The following CACNB4 variants were observed in gnomAD, a reference collection of about 807,000 sequenced individuals.
CACNB4 encodes the protein calcium voltage-gated channel auxiliary subunit beta 4.
In CACNB4, 32 loss-of-function variants were observed where a neutral mutation model predicts 71.2. That is an observed-to-expected ratio of 0.45 (90% CI 0.34 to 0.60). The LOEUF is 0.60. Among genes scored for constraint, CACNB4 ranks in the 20% least tolerant of loss-of-function variants. The pLI is 0.01. For missense variants in CACNB4, 464 were observed against 647.9 expected (o/e 0.72, Z 3.08); for synonymous variants, 231 against 236.9 (o/e 0.97, Z 0.23).
intron 2 of CACNB4, among the ~76,000 whole-genome samples, chr2:151,942,971 T>A (rs957291274): frequency 1.3e-5 from 2 of 152,226 alleles, no homozygotes; most frequent in Non-Finnish European, 2.9e-5. Flanking sequence ...TGTTGGACCC[T>A]TATCAGTAGT....
chr2:152,047,998 C>A (rs1685223231), intron 2 of CACNB4, among the ~76,000 whole-genome samples: 1 of 152,210 alleles, frequency 6.6e-6, no homozygotes, highest in South Asian at 2.1e-4. Context: ...TGGCACCCTG[C>A]CACAAACGCC....
At chr2:152,078,978 TTC>T (rs1318838888) in intron 2 of CACNB4, among the ~76,000 whole-genome samples, 4 of 152,172 alleles carry the variant, frequency 2.6e-5, no homozygotes, top group Non-Finnish European at 5.9e-5. Flanking sequence ...AACAGTAATG[TTC>T]TACATGGTGC....
intron 11 of CACNB4, 179 bp downstream of exon 11, chr2:151,855,045 A>G: frequency 2.4e-6 from 1 of 417,428 alleles, no homozygotes; most frequent in East Asian, 3.3e-5. Context: ...GAAGAAATGA[A>G]CTATTATATT....
chr2:151,870,074 G>A (rs1040957046), intron 8 of CACNB4: 6 of 592,684 alleles, frequency 1.0e-5, no homozygotes, highest in Admixed American at 6.0e-5. Flanking sequence ...TAAATAAGCA[G>A]AGAAGGATTT....
chr2:151,839,445 A>T, intron 13 of CACNB4, 66 bp from the exon 14 acceptor site: 4 of 1,260,764 alleles, frequency 3.2e-6, no homozygotes, highest in Non-Finnish European at 4.5e-6. Flanking sequence ...ATGTAAATGT[A>T]TGTAAAATCA....
chr2:151,942,903 A>G (rs7571876), intron 2 of CACNB4, among the ~76,000 whole-genome samples: 140,159 of 152,250 alleles, frequency 0.92, 64,887 homozygotes, highest in Middle Eastern at 0.98. Context: ...CAATATGTGC[A>G]CTGCTGAACA....
chr2:151,990,437 A>G (rs956717891), intron 2 of CACNB4, among the ~76,000 whole-genome samples: 1 of 152,128 alleles, frequency 6.6e-6, no homozygotes, highest in African/African-American at 2.4e-5. Context: ...GAGATTACAC[A>G]TCCCTGCTGT....
At chr2:151,860,550 G>A in intron 10 of CACNB4, 161 bp downstream of exon 10, 1 of 644,602 alleles carries the variant, frequency 1.6e-6, no homozygotes, top group Non-Finnish European at 2.8e-6. Context: ...GCTACTGCAA[G>A]ACTCTGCTGC....
chr2:152,091,125 G>A (rs531013337), intron 2 of CACNB4, among the ~76,000 whole-genome samples: 6 of 151,942 alleles, frequency 3.9e-5, no homozygotes, highest in Non-Finnish European at 7.4e-5. Flanking sequence ...ACTGGTTAAC[G>A]GGTTAGCTAC....
chr2:151,897,460 C>A (rs570062965), intron 2 of CACNB4, among the ~76,000 whole-genome samples: 1 of 152,214 alleles, frequency 6.6e-6, no homozygotes, highest in Non-Finnish European at 1.5e-5. Context: ...AGATCCAAGG[C>A]GGTCAAAGAG....
At chr2:151,840,944 A>G (rs1263889383) in intron 13 of CACNB4, among the ~76,000 whole-genome samples, 2 of 152,180 alleles carry the variant, frequency 1.3e-5, no homozygotes, top group African/African-American at 4.8e-5. Flanking sequence ...ATTTTGTACC[A>G]TAAGGTCTCT....
At chr2:151,952,220 C>T (rs371966012) in intron 2 of CACNB4, among the ~76,000 whole-genome samples, 12 of 152,242 alleles carry the variant, frequency 7.9e-5, no homozygotes, top group East Asian at 1.9e-4. Flanking sequence ...GAATCAGCCA[C>T]GTCCTACCTA....
chr2:152,090,869 A>G (rs974301987), intron 2 of CACNB4, among the ~76,000 whole-genome samples: 3 of 151,964 alleles, frequency 2.0e-5, no homozygotes, highest in Non-Finnish European at 4.4e-5. Flanking sequence ...AACATGGTGA[A>G]GCCCAATCTC....
chr2:152,011,444 C>T (rs750794338), intron 2 of CACNB4, among the ~76,000 whole-genome samples: 1 of 152,210 alleles, frequency 6.6e-6, no homozygotes, highest in Admixed American at 6.5e-5. Context: ...GCTTGAAGCA[C>T]GGAGAAATCA....
chr2:152,010,650 T>A (rs1445305882), intron 2 of CACNB4, among the ~76,000 whole-genome samples: 1 of 152,232 alleles, frequency 6.6e-6, no homozygotes, highest in African/African-American at 2.4e-5. Flanking sequence ...GAAGAACAGA[T>A]AAACGGTGCA....
At chr2:151,918,975 A>G (rs746978016) in intron 2 of CACNB4, among the ~76,000 whole-genome samples, 1 of 152,226 alleles carries the variant, frequency 6.6e-6, no homozygotes, top group Non-Finnish European at 1.5e-5. Flanking sequence ...GGAGGGCTGA[A>G]TGAATCCCTG....
chr2:151,966,795 T>C (rs577290363), intron 2 of CACNB4, among the ~76,000 whole-genome samples: 1 of 152,256 alleles, frequency 6.6e-6, no homozygotes, highest in African/African-American at 2.4e-5. Flanking sequence ...CATATTTAGT[T>C]ACTGAAACTG....
intron 2 of CACNB4, among the ~76,000 whole-genome samples, chr2:152,071,666 T>C (rs1309169694): frequency 1.3e-5 from 2 of 152,212 alleles, no homozygotes; most frequent in Admixed American, 1.3e-4. Context: ...TTTATAAAAA[T>C]AGCAATTGGG....
intron 2 of CACNB4, among the ~76,000 whole-genome samples, chr2:151,986,899 A>C (rs995811160): frequency 6.6e-6 from 1 of 152,144 alleles, no homozygotes; most frequent in Admixed American, 6.5e-5. Context: ...GAAGTTCAGC[A>C]GGAGTTGCTT....
Sources: gnomAD v4.1 joint callset for allele counts (sites outside exome capture counted in the v4.1 genomes callset) on GRCh38, gnomAD v4.1.1 for gene constraint, MANE v1.5 for transcripts, NCBI Gene and HGNC (gene_info 2026-07-23, HGNC 2026-07-21) for gene names.